GALNS: variants seen among roughly 807,000 people sequenced by gnomAD.
GALNS encodes galactosamine (N-acetyl)-6-sulfatase.
A neutral mutation model predicts 65.9 loss-of-function variants in GALNS; 65 were observed. The observed-to-expected ratio is 0.99, with a 90% CI of 0.81 to 1.21. GALNS has a LOEUF of 1.21. GALNS is among the 50% of genes most tolerant of loss of function. The probability of loss-of-function intolerance (pLI) is 0.00; values close to 1 mark genes in which losing one functional copy is unlikely to be tolerated. For missense variants in GALNS, 776 were observed against 700.7 expected (o/e 1.11, Z -1.21); for synonymous variants, 346 against 288.9 (o/e 1.20, Z -2.00).
intron 13 of GALNS, chr16:88,817,470 A>G (rs1909749841): frequency 2.0e-6 from 2 of 985,360 alleles, no homozygotes; most frequent in South Asian, 4.7e-5. Flanking sequence ...GCCCAGCATG[A>G]AGGAGGCACA....
chr16:88,824,054 A>G (rs575796319), intron 11 of GALNS, among the ~76,000 whole-genome samples: 1 of 152,058 alleles, frequency 6.6e-6, no homozygotes, highest in Non-Finnish European at 1.5e-5. Context: ...CCCAGTTCTC[A>G]CTTCCAGTCT....
At chr16:88,842,124 GTCTC>G in intron 2 of GALNS, 153 bp from the exon 3 acceptor site, 1 of 739,248 alleles carries the variant, frequency 1.4e-6, no homozygotes, top group Non-Finnish European at 2.4e-6. Context: ...CCCCGTTAGC[GTCTC>G]CACCACCTGG....
chr16:88,836,617 G>A (rs1369339840), intron 5 of GALNS, among the ~76,000 whole-genome samples: 1 of 151,390 alleles, frequency 6.6e-6, no homozygotes, highest in Non-Finnish European at 1.5e-5. Context: ...TCGCGCCACT[G>A]CAATCCACCC....
intron 1 of GALNS, among the ~76,000 whole-genome samples, chr16:88,853,123 A>T (rs1967585415): frequency 6.7e-6 from 1 of 149,060 alleles, no homozygotes; most frequent in South Asian, 2.1e-4. Flanking sequence ...CGGTGGTGGG[A>T]GCCTGTAGTC....
At chr16:88,840,050 G>A (rs1966895111) in intron 4 of GALNS, among the ~76,000 whole-genome samples, 1 of 152,226 alleles carries the variant, frequency 6.6e-6, no homozygotes, top group African/African-American at 2.4e-5. Flanking sequence ...GCTGCGTGGG[G>A]CCCAACCTCC....
chr16:88,847,550 C>T (rs574051843), intron 1 of GALNS, among the ~76,000 whole-genome samples: 2 of 152,248 alleles, frequency 1.3e-5, no homozygotes, highest in South Asian at 4.2e-4. Context: ...CCATCGGGCC[C>T]TTGTAAAGTT....
intron 6 of GALNS, 112 bp downstream of exon 6, chr16:88,836,089 C>A (rs1912108721): frequency 8.6e-7 from 1 of 1,165,860 alleles, no homozygotes; most frequent in Non-Finnish European, 1.3e-6. Context: ...ACCCATGCCT[C>A]CCACGGGGTG....
At chr16:88,843,420 G>A (rs1967081746) in intron 1 of GALNS, 1 of 360,758 alleles carries the variant, frequency 2.8e-6, no homozygotes, top group Non-Finnish European at 5.4e-6. Context: ...CAAAAGGCAG[G>A]AGCACCCTGA....
intron 11 of GALNS, among the ~76,000 whole-genome samples, chr16:88,824,416 G>A (rs551783459): frequency 6.6e-6 from 1 of 152,246 alleles, no homozygotes; most frequent in African/African-American, 2.4e-5. Context: ...GGCCAAGCAG[G>A]CCACGTCTCT....
intron 13 of GALNS, 73 bp downstream of exon 13, chr16:88,817,934 G>T: frequency 8.0e-7 from 1 of 1,257,848 alleles, no homozygotes; most frequent in Non-Finnish European, 1.1e-6. Context: ...TGCTGGCCAC[G>T]GTTCATCCTG....
intron 13 of GALNS, chr16:88,815,189 C>A (rs1431537500): frequency 1.0e-6 from 1 of 985,378 alleles, no homozygotes; most frequent in Admixed American, 6.1e-5. Flanking sequence ...CTCGGCCTCT[C>A]AGCTCTGAAG....
chr16:88,855,541 T>C, intron 1 of GALNS: 2 of 701,090 alleles, frequency 2.9e-6, no homozygotes, highest in Non-Finnish European at 5.2e-6. Context: ...AAATAAGACA[T>C]ATGAGATGGA....
chr16:88,831,813 G>A (rs1373293949), intron 9 of GALNS, among the ~76,000 whole-genome samples, 185 bp downstream of exon 9: 2 of 144,610 alleles, frequency 1.4e-5, no homozygotes, highest in Non-Finnish European at 3.0e-5. Flanking sequence ...CACGGGGAGC[G>A]TGGGGAGGAG....
At chr16:88,820,855 CG>C (rs896679633) in intron 12 of GALNS, among the ~76,000 whole-genome samples, 3 of 152,186 alleles carry the variant, frequency 2.0e-5, no homozygotes, top group African/African-American at 7.2e-5. Context: ...GGGGGTGTGG[CG>C]GGCACCGGTG....
At chr16:88,842,595 T>C (rs187854130) in intron 2 of GALNS, 111 bp downstream of exon 2, 136 of 1,339,850 alleles carry the variant, frequency 1.0e-4, no homozygotes, top group African/African-American at 4.7e-4. Flanking sequence ...CCTGCAGTAG[T>C]AGGAATAGAC....
chr16:88,853,190 G>A (rs1967588453), intron 1 of GALNS, among the ~76,000 whole-genome samples: 1 of 144,156 alleles, frequency 6.9e-6, no homozygotes, highest in Admixed American at 7.2e-5. Context: ...GACGGAGGTT[G>A]CAGTGAGCTG....
In GALNS at chr16:88,819,027, C is replaced by T. The variant is rs367891048; in HGVS notation, c.1365-903G>A. On this transcript the variant is annotated intron_variant, in intron 12 of 13. Coordinates refer to ENST00000268695, the MANE Select transcript of GALNS (RefSeq NM_000512.5). ...TCCTGATGGCAGCACCTGTCCAGGC[C>T]CAGTACCTTCTGGGAGGTGAGCCCG... Among the ~76,000 whole-genome samples the T allele has an allele frequency of 3.9e-4, 60 of 152,326 alleles. 1 individual carries two copies. The East Asian group carries it at 0.01, about 25-fold the overall frequency.
chr16:88,844,058 A>C (rs1967119150), intron 1 of GALNS: 1 of 152,098 alleles, frequency 6.6e-6, no homozygotes, highest in African/African-American at 2.4e-5. Context: ...GGAAGCAGGT[A>C]GAAGGGATGG....
chr16:88,836,267 T>C lies in GALNS; in HGVS notation c.567A>G (p.Arg189=). The C allele has an allele frequency of 5.0e-6, 8 of 1,611,336 alleles. No individual in the cohort carries two copies. Among genetic ancestry groups the C allele is most frequent in the Non-Finnish European group, 5.9e-6 (7 of 1,178,800 alleles). The change falls in exon 6 of 14, where the codon AGA becomes AGG. Residue 189 remains arginine (R), a splice_region_variant and synonymous_variant. Coordinates refer to ENST00000268695, the MANE Select transcript of GALNS (RefSeq NM_000512.5). ...PVYRDWEMVG[R]YYEEFPINLK... is the part of the protein sequence containing the mutation. ...GATTAATAGGAAATTCTTCATAATA[T>C]CTGAAAAGAACACAGATCCAGACAG...
Sources: gnomAD v4.1 joint callset for allele counts (sites outside exome capture counted in the v4.1 genomes callset) on GRCh38, gnomAD v4.1.1 for gene constraint, MANE v1.5 for transcripts, NCBI Gene and HGNC (gene_info 2026-07-23, HGNC 2026-07-21) for gene names.